The following ANXA13 variants were observed in gnomAD, a reference collection of about 807,000 sequenced individuals.
ANXA13 encodes the protein annexin XIII.
A neutral mutation model predicts 46.6 loss-of-function variants in ANXA13; 36 were observed. The ratio of observed to expected loss-of-function variants is 0.77; its 90% CI spans 0.59 to 1.02. The LOEUF (loss-of-function observed/expected upper bound fraction) is 1.02. Ranked by LOEUF, ANXA13 falls within the 50% of genes least tolerant of loss-of-function variation. ANXA13 has a pLI of 0.00. For synonymous variants in ANXA13, 163 were observed against 152.9 expected (o/e 1.07, Z -0.49); for missense variants, 417 against 396.5 (o/e 1.05, Z -0.44).
chr8:123,719,500 C>A (rs1314714771), intron 1 of ANXA13, among the ~76,000 whole-genome samples: 1 of 152,142 alleles, frequency 6.6e-6, no homozygotes, highest in Non-Finnish European at 1.5e-5. Flanking sequence ...ATGACAATTG[C>A]ATTATGATAC....
chr8:123,712,965 C>A (rs1450243540), intron 1 of ANXA13, among the ~76,000 whole-genome samples: 1 of 152,124 alleles, frequency 6.6e-6, no homozygotes, highest in Non-Finnish European at 1.5e-5. Context: ...CTTGGATGAC[C>A]AGGAGAATGG....
At chr8:123,731,582 T>G (rs1267340388) in intron 1 of ANXA13, among the ~76,000 whole-genome samples, 5 of 151,962 alleles carry the variant, frequency 3.3e-5, no homozygotes. Flanking sequence ...ACAAAACAGG[T>G]GGTTCTGTTG....
chr8:123,700,800 C>A (rs889473677), intron 3 of ANXA13, among the ~76,000 whole-genome samples: 2 of 151,494 alleles, frequency 1.3e-5, no homozygotes, highest in South Asian at 4.2e-4. Context: ...TTCCTCTCCA[C>A]CTCCCTTTCT....
At position 123,724,746 on chromosome 8, in the gene ANXA13, C is replaced by T. The variant is rs760874719; in HGVS notation, c.16-11993G>A. ...CTCCTTTTAAAATTCTCTCCCAACT[C>T]TTCTGATTAAGTCTTTGCTTAGTGA... On this transcript the variant is annotated intron_variant, in intron 1 of 10. Coordinates refer to ENST00000419625, the MANE Select transcript of ANXA13 (RefSeq NM_004306.4). 5.3e-5 allele frequency among the ~76,000 whole-genome samples: 8 copies of T among 152,252 alleles called. No individual in the cohort carries two copies. In the South Asian group the frequency reaches 1.7e-3, roughly 31 times the overall value.
At chr8:123,693,133 C>G in intron 8 of ANXA13, 64 bp downstream of exon 8, 1 of 1,453,200 alleles carries the variant, frequency 6.9e-7, no homozygotes, top group Non-Finnish European at 9.6e-7. Flanking sequence ...ATCTTGGCTT[C>G]TTTTGGAAAT....
At chr8:123,709,409 CTT>C (rs1813611738) in intron 2 of ANXA13, among the ~76,000 whole-genome samples, 2 of 151,408 alleles carry the variant, frequency 1.3e-5, no homozygotes, top group African/African-American at 2.4e-5. Context: ...TCTCTTCTCT[CTT>C]TCTCTTCTCT....
chr8:123,735,695 T>C, intron 1 of ANXA13: 3 of 1,497,018 alleles, frequency 2.0e-6, no homozygotes, highest in Non-Finnish European at 2.7e-6. Context: ...GGGGCTCATA[T>C]TGGCCCCATG....
At chr8:123,697,261 G>A (rs3779980) in intron 4 of ANXA13, among the ~76,000 whole-genome samples, 86,590 of 151,772 alleles carry the variant, frequency 0.57, 25,255 homozygotes, top group South Asian at 0.66. Context: ...GGTGCTGACC[G>A]CCCTGGCGTT....
At chr8:123,695,797 G>A (rs888140240) in intron 4 of ANXA13, 76 bp from the exon 5 acceptor site, 11 of 1,299,126 alleles carry the variant, frequency 8.5e-6, no homozygotes, top group Middle Eastern at 2.5e-4. Flanking sequence ...GAGAAGAGGC[G>A]GGAGACCATG....
At chr8:123,702,142 T>TA (rs1210999203) in intron 3 of ANXA13, among the ~76,000 whole-genome samples, 2 of 152,200 alleles carry the variant, frequency 1.3e-5, no homozygotes, top group African/African-American at 2.4e-5. Context: ...TAAGAAAGCC[T>TA]AATGCATACT....
chr8:123,708,330 G>A (rs960780698), intron 2 of ANXA13, among the ~76,000 whole-genome samples: 2 of 152,170 alleles, frequency 1.3e-5, no homozygotes, highest in South Asian at 4.1e-4. Flanking sequence ...GGAAGATACC[G>A]AGTCACATTT....
Position 123,698,509 on chromosome 8 carries a change from T to C in ANXA13, c.237A>G (p.Thr79=), listed in dbSNP as rs1401869255. ...TGGGACGGTCCAGAAGGGCCAACGC[T>C]GTCTTCTCGAAGTTTCCACTCAGCT... The part of the protein sequence containing the change: ...KSELSGNFEK[T]ALALLDRPSE... Residue 79 remains threonine, a synonymous_variant, in exon 4 of 11, where the codon ACA becomes ACG. Transcript: ENST00000419625. The C allele has an allele frequency of 3.1e-6, 5 of 1,614,080 alleles. No individual in the cohort carries two copies. The Admixed American group carries it at 5.0e-5, about 16-fold the overall frequency.
intron 9 of ANXA13, among the ~76,000 whole-genome samples, chr8:123,687,757 G>T (rs1262894045): frequency 2.6e-5 from 4 of 152,174 alleles, no homozygotes; most frequent in Non-Finnish European, 5.9e-5. Context: ...TGCCATTTGG[G>T]TTGGTGCCCT....
chr8:123,698,275 C>T, intron 4 of ANXA13, 114 bp downstream of exon 4: 2 of 1,190,572 alleles, frequency 1.7e-6, no homozygotes, highest in Non-Finnish European at 2.4e-6. Context: ...TATGTCTCCC[C>T]AGACACCTGC....
At position 123,705,092 on chromosome 8, in the gene ANXA13, C is replaced by T. The variant is rs372583067; in HGVS notation, c.92-2356G>A. On this transcript the variant is annotated intron_variant, in intron 2 of 10. Coordinates refer to ENST00000419625, the MANE Select transcript of ANXA13 (RefSeq NM_004306.4). ...CTTTGTCTCAGTGCATGGCATCACACGGATTAGAGAAAATCCAAAGTCACC... is the reference window on the plus strand; with the variant it reads ...CTTTGTCTCAGTGCATGGCATCACATGGATTAGAGAAAATCCAAAGTCACC... Among the ~76,000 whole-genome samples the T allele has an allele frequency of 1.8e-4, 28 of 152,328 alleles. No individual in the cohort carries two copies. The South Asian group carries it at 3.1e-3, about 17-fold the overall frequency.
At chr8:123,702,864 G>T in intron 2 of ANXA13, 128 bp from the exon 3 acceptor site, 1 of 768,652 alleles carries the variant, frequency 1.3e-6, no homozygotes, top group Non-Finnish European at 2.2e-6. Context: ...GGAACCCAAC[G>T]GACCCTTAGC....
chr8:123,727,010 G>A (rs1014458221), intron 1 of ANXA13, among the ~76,000 whole-genome samples: 2 of 152,144 alleles, frequency 1.3e-5, no homozygotes, highest in African/African-American at 2.4e-5. Context: ...CTATGAGGAC[G>A]GAAAGGCATA....
intron 3 of ANXA13, among the ~76,000 whole-genome samples, chr8:123,701,068 C>A (rs1025455652): frequency 6.6e-6 from 1 of 152,148 alleles, no homozygotes; most frequent in Non-Finnish European, 1.5e-5. Context: ...CCTTGGCCTC[C>A]CAAAGTGTTG....
chr8:123,690,123 C>T lies in ANXA13; in HGVS notation c.643-1177G>A, dbSNP rs1029769787. On this transcript the variant is annotated intron_variant, in intron 8 of 10. Coordinates refer to ENST00000419625, the MANE Select transcript of ANXA13 (RefSeq NM_004306.4). This position sits in a 1 kb window ranked among gnomAD's most constrained non-coding sequence, Gnocchi z 4.6. ...TCTTTTTTGGGTTTGATGTGGGAGT[C>T]ATTATTTTGGAAGGGATTGGTATCC... Among the ~76,000 whole-genome samples, 3 of 152,066 alleles carry T rather than the reference C, an allele frequency of 2.0e-5. No homozygotes were observed. The highest frequency in any genetic ancestry group is 2.1e-4 in the South Asian group (1 of 4,814).
Sources: allele counts gnomAD v4.1 joint callset (sites outside exome capture counted in the v4.1 genomes callset), GRCh38; gene constraint gnomAD v4.1.1; non-coding constraint Gnocchi (gnomAD v3.1); transcripts MANE v1.5; gene names NCBI Gene and HGNC (gene_info 2026-07-23, HGNC 2026-07-21).